TAOK3: variants seen among roughly 807,000 people sequenced by gnomAD.
TAOK3 encodes the protein serine/threonine-protein kinase TAO3.
Under a neutral mutation model 120.4 loss-of-function variants are expected in TAOK3, and 40 were observed. That is an observed-to-expected ratio of 0.33 (90% confidence interval 0.26 to 0.43). The LOEUF (loss-of-function observed/expected upper bound fraction) is 0.43. TAOK3 is among the 20% of genes least tolerant of loss of function. TAOK3 has a pLI of 1.00. For synonymous variants in TAOK3, 355 were observed against 387.5 expected (o/e 0.92, Z 0.99); for missense variants, 821 against 1,112.1 (o/e 0.74, Z 3.72).
At chr12:118,334,194 T>C (rs1172299477) in intron 1 of TAOK3, among the ~76,000 whole-genome samples, 1 of 151,764 alleles carries the variant, frequency 6.6e-6, no homozygotes, top group African/African-American at 2.4e-5. Context: ...ATACTAGCAT[T>C]GCCAAGATGT....
chr12:118,183,477 T>C (rs111972293), intron 14 of TAOK3, among the ~76,000 whole-genome samples: 8 of 152,298 alleles, frequency 5.3e-5, no homozygotes, highest in African/African-American at 1.4e-4. Context: ...CAAAAAAGGA[T>C]AGCATCACCC....
At chr12:118,361,481 G>A (rs1027557605) in intron 1 of TAOK3, among the ~76,000 whole-genome samples, 1 of 145,596 alleles carries the variant, frequency 6.9e-6, no homozygotes, top group Non-Finnish European at 1.5e-5. Context: ...TTTTTGAGAT[G>A]GAGTCTGACT....
At chr12:118,271,496 A>T (rs1421076304) in intron 1 of TAOK3, among the ~76,000 whole-genome samples, 2 of 152,240 alleles carry the variant, frequency 1.3e-5, no homozygotes, top group Non-Finnish European at 2.9e-5. Context: ...TCCAATGCAT[A>T]GCATGAATCA....
chr12:118,323,241 T>C (rs1181703111), intron 1 of TAOK3, among the ~76,000 whole-genome samples: 2 of 152,026 alleles, frequency 1.3e-5, no homozygotes, highest in Non-Finnish European at 2.9e-5. Flanking sequence ...GGCAATGAAA[T>C]AGAAAGATCA....
intron 1 of TAOK3, among the ~76,000 whole-genome samples, chr12:118,292,894 C>A (rs559150618): frequency 7.9e-5 from 12 of 152,146 alleles, no homozygotes; most frequent in Non-Finnish European, 1.5e-4. Flanking sequence ...TCAAGTAATC[C>A]TGTAATGGGA....
At chr12:118,205,959 T>C (rs186947691) in intron 11 of TAOK3, among the ~76,000 whole-genome samples, 51 of 151,086 alleles carry the variant, frequency 3.4e-4, no homozygotes, top group Non-Finnish European at 6.0e-4. Context: ...CTTGAAGCAC[T>C]AGGAAGTAAA....
At chr12:118,354,031 C>G (rs973314673) in intron 1 of TAOK3, among the ~76,000 whole-genome samples, 2 of 151,946 alleles carry the variant, frequency 1.3e-5, no homozygotes, top group Non-Finnish European at 2.9e-5. Context: ...GTTAACTGAC[C>G]CAATACAAGA....
chr12:118,283,756 C>CA (rs970922844), intron 1 of TAOK3: 19 of 205,258 alleles, frequency 9.3e-5, no homozygotes, highest in South Asian at 3.8e-4. Context: ...ACAACAACAA[C>CA]AACAAACAAA....
intron 1 of TAOK3, among the ~76,000 whole-genome samples, chr12:118,274,712 T>C (rs1331905688): frequency 1.3e-5 from 2 of 152,116 alleles, no homozygotes; most frequent in African/African-American, 2.4e-5. Context: ...CACTGCAACC[T>C]CTGCCTCTCA....
chr12:118,310,364 G>A (rs1016427742), intron 1 of TAOK3, among the ~76,000 whole-genome samples: 2 of 152,196 alleles, frequency 1.3e-5, no homozygotes, highest in African/African-American at 4.8e-5. Flanking sequence ...GATATTTGGT[G>A]AGCTATGTAT....
At chr12:118,206,763 A>AT (rs990087102) in intron 11 of TAOK3, among the ~76,000 whole-genome samples, 3 of 151,504 alleles carry the variant, frequency 2.0e-5, no homozygotes, top group Non-Finnish European at 4.4e-5. Flanking sequence ...TTTCCAGCTA[A>AT]TTTTTTGTAT....
chr12:118,199,383 A>G lies in TAOK3; in HGVS notation c.988-126T>C, dbSNP rs1322419198. 8.5e-6 allele frequency: 6 copies of G among 705,574 alleles called. 1 individual carries two copies. Among genetic ancestry groups the G allele is most frequent in the South Asian group, 8.5e-5 (5 of 58,876 alleles). 43.7% of individuals were successfully genotyped at this position (705,574 alleles called of 1,614,324 possible). A position where few individuals can be genotyped will look rare whatever the true frequency, so the allele number is the denominator to read the frequency against. ...GCTTTTCTGCCAATCTGCAAAGACA[A>G]ACTTTTTATGTACTGGCTCCACTAC... On this transcript the variant is annotated intron_variant, in intron 12 of 20. Coordinates refer to ENST00000392533, the MANE Select transcript of TAOK3 (RefSeq NM_016281.4).
chr12:118,352,096 T>C (rs1200849513), intron 1 of TAOK3, among the ~76,000 whole-genome samples: 1 of 151,830 alleles, frequency 6.6e-6, no homozygotes, highest in Non-Finnish European at 1.5e-5. Flanking sequence ...ATGGTCTCGA[T>C]CTCCTGACCT....
chr12:118,250,190 G>A (rs966860879), intron 3 of TAOK3, among the ~76,000 whole-genome samples: 1 of 151,760 alleles, frequency 6.6e-6, no homozygotes, highest in Non-Finnish European at 1.5e-5. Flanking sequence ...CGAACTCCTG[G>A]GCTAAAGTGA....
intron 1 of TAOK3, among the ~76,000 whole-genome samples, chr12:118,349,004 G>C (rs2045012446): frequency 6.6e-6 from 1 of 151,850 alleles, no homozygotes; most frequent in Non-Finnish European, 1.5e-5. Context: ...CAATTCTCTT[G>C]CCTCAGGCTC....
chr12:118,338,655 C>T (rs2044466532), intron 1 of TAOK3, among the ~76,000 whole-genome samples: 1 of 151,604 alleles, frequency 6.6e-6, no homozygotes, highest in African/African-American at 2.4e-5. Context: ...GCGTGGTGGC[C>T]ACGCGCCTGT....
chr12:118,340,622 A>C (rs2044575194), intron 1 of TAOK3, among the ~76,000 whole-genome samples: 1 of 152,196 alleles, frequency 6.6e-6, no homozygotes, highest in South Asian at 2.1e-4. Flanking sequence ...AAAAAGTAAC[A>C]GAAGAATATA....
chr12:118,183,423 A>G (rs561648502), intron 14 of TAOK3, among the ~76,000 whole-genome samples: 1 of 152,294 alleles, frequency 6.6e-6, no homozygotes, highest in East Asian at 1.9e-4. Flanking sequence ...GAAGGATAAT[A>G]CTCTTTCAAG....
chr12:118,317,486 G>A (rs1203725037), intron 1 of TAOK3, among the ~76,000 whole-genome samples: 5 of 151,852 alleles, frequency 3.3e-5, no homozygotes, highest in Non-Finnish European at 7.4e-5. Flanking sequence ...TTTTAGTAGA[G>A]ACGGGTTTCA....
Sources: gnomAD v4.1 joint callset for allele counts (sites outside exome capture counted in the v4.1 genomes callset) on GRCh38, gnomAD v4.1.1 for gene constraint, MANE v1.5 for transcripts, NCBI Gene and HGNC (gene_info 2026-07-23, HGNC 2026-07-21) for gene names.